The following ADGRV1 variants were observed in gnomAD, a reference collection of about 807,000 sequenced individuals.
ADGRV1 encodes the protein G-protein coupled receptor 98.
Under a neutral mutation model 596.2 loss-of-function variants are expected in ADGRV1, and 359 were observed. That is an observed-to-expected ratio of 0.60 (90% confidence interval 0.55 to 0.66). ADGRV1 has a LOEUF of 0.66. Among genes scored for constraint, ADGRV1 ranks in the 30% least tolerant of loss-of-function variants. The probability of loss-of-function intolerance (pLI) is 0.00; values close to 1 mark genes in which losing one functional copy is unlikely to be tolerated. For synonymous variants in ADGRV1, 2,681 were observed against 2,679.2 expected, an observed-to-expected ratio of 1.00 and a Z score of -0.02; for missense variants, 7,274 against 7,575.6, an observed-to-expected ratio of 0.96 and a Z score of 1.48.
chr5:90,924,190 C>T (rs1478896533), intron 83 of ADGRV1, among the ~76,000 whole-genome samples: 4 of 151,680 alleles, frequency 2.6e-5, no homozygotes, highest in African/African-American at 7.3e-5. Context: ...GTTCTAGATC[C>T]CTGAGGAATC....
rs189728856 is a variant in ADGRV1, at chr5:90,980,535, A to G, written c.17974-4809A>G. 4.8e-3 allele frequency among the ~76,000 whole-genome samples: 735 copies of G among 152,342 alleles called. 26 individuals are homozygous for G. Among genetic ancestry groups the G allele is most frequent in the Admixed American group, 0.046 (696 of 15,284 alleles). ...TACATTGTGAGGGTGGGTGGTCTTAAGATAGTTTATAAGATCCTTCTAACA... is the reference window on the plus strand; with the variant it reads ...TACATTGTGAGGGTGGGTGGTCTTAGGATAGTTTATAAGATCCTTCTAACA... On this transcript the variant is annotated intron_variant, in intron 84 of 89. Coordinates refer to ENST00000405460, the MANE Select transcript of ADGRV1 (RefSeq NM_032119.4).
At position 90,690,007 on chromosome 5, in the gene ADGRV1, G is replaced by A. The variant is rs762017545; in HGVS notation, c.6637G>A (p.Ala2213Thr). ...VQLMNETTGG[A>T]RLGALTEAVI... The stretch of plus-strand genomic sequence containing the variant: ...ACTGATGAATGAAACAACAGGAGGA[G>A]CCAGACTAGGGGCTTTAACAGAGGC... Residue 2213 changes from alanine (A) to threonine (T), a missense_variant, in exon 30 of 90, where the codon GCC (alanine) becomes ACC (threonine). Physicochemically the swap from Ala to Thr is moderately conservative, Grantham distance 58. Transcript: ENST00000405460. 6 of 1,603,992 alleles carry A rather than the reference G, an allele frequency of 3.7e-6. No homozygotes were observed. The East Asian group carries it at 8.9e-5, about 24-fold the overall frequency.
chr5:90,802,795 CG>C lies in ADGRV1; in HGVS notation c.14576del (p.Gly4859ValfsTer40). The C allele has an allele frequency of 6.2e-7, 1 of 1,612,828 alleles. No homozygotes were observed. The highest frequency in any genetic ancestry group is 8.5e-7 in the Non-Finnish European group (1 of 1,179,392). On this transcript the variant is annotated frameshift_variant, in exon 71 of 90. Coordinates refer to ENST00000405460, the MANE Select transcript of ADGRV1 (RefSeq NM_032119.4). LOFTEE classifies it high-confidence loss of function. ...TLQLVTVMLVGGRFYGMPTIL... is the reference protein window; with the variant it reads ...TLQLVTVMLVXGRFYGMPTIL... ...TGCAACTGGTGACTGTGATGCTTGT[CG>C]GTGGACGTTTCTATGGAATGCCAAC...
At chr5:90,823,825 C>G (rs948372835) in intron 76 of ADGRV1, among the ~76,000 whole-genome samples, 19 of 152,038 alleles carry the variant, frequency 1.2e-4, no homozygotes, top group African/African-American at 4.1e-4. Context: ...TGTTTCTTGC[C>G]ATTCTAAAAT....
At chr5:90,658,975 G>GCAAAATTA (rs1769839151) in intron 21 of ADGRV1, among the ~76,000 whole-genome samples, 3 of 152,042 alleles carry the variant, frequency 2.0e-5, no homozygotes, top group Non-Finnish European at 4.4e-5. Flanking sequence ...GATTCTAATT[G>GCAAAATTA]GTTTAGAAGG....
intron 85 of ADGRV1, among the ~76,000 whole-genome samples, chr5:91,048,466 CTG>C (rs1786025993): frequency 1.3e-5 from 2 of 152,216 alleles, no homozygotes; most frequent in Admixed American, 1.3e-4. Context: ...CTCTCTCACA[CTG>C]GAGATTTTCC....
chr5:91,119,599 A>G (rs1242337370), intron 87 of ADGRV1, among the ~76,000 whole-genome samples: 4 of 152,234 alleles, frequency 2.6e-5, no homozygotes, highest in African/African-American at 7.2e-5. Flanking sequence ...TAATCTCCAT[A>G]GTTGCAGGTA....
intron 83 of ADGRV1, among the ~76,000 whole-genome samples, chr5:90,895,095 A>AT (rs57345391): frequency 0.18 from 26,706 of 151,466 alleles, 3,537 homozygotes; most frequent in African/African-American, 0.35. Flanking sequence ...TGTCTGGCTA[A>AT]TTTTTTTTAT....
intron 83 of ADGRV1, among the ~76,000 whole-genome samples, chr5:90,936,140 A>G (rs1239619468): frequency 2.0e-5 from 3 of 152,202 alleles, no homozygotes; most frequent in South Asian, 2.1e-4. Flanking sequence ...GTGCAGAAAG[A>G]CAGTAGCAAT....
At chr5:90,869,126 G>A (rs1213220424) in intron 83 of ADGRV1, among the ~76,000 whole-genome samples, 1 of 152,140 alleles carries the variant, frequency 6.6e-6, no homozygotes, top group Non-Finnish European at 1.5e-5. Flanking sequence ...CTCTTCCTCT[G>A]TAGTACTGCA....
chr5:91,131,232 G>A (rs771660308), intron 87 of ADGRV1, among the ~76,000 whole-genome samples: 2 of 152,206 alleles, frequency 1.3e-5, no homozygotes, highest in African/African-American at 2.4e-5. Flanking sequence ...TTGCATTCTC[G>A]CCAACGTATA....
chr5:90,651,345 A>C (rs567971667), intron 17 of ADGRV1, among the ~76,000 whole-genome samples: 2 of 152,292 alleles, frequency 1.3e-5, no homozygotes, highest in South Asian at 4.1e-4. Context: ...AACTAAAAAA[A>C]ATGGGAACTA....
chr5:90,738,351 A>G (rs1029733007), intron 50 of ADGRV1, among the ~76,000 whole-genome samples: 1 of 152,028 alleles, frequency 6.6e-6, no homozygotes, highest in African/African-American at 2.4e-5. Context: ...TTATATAATC[A>G]CCTTACATTA....
chr5:90,577,246 T>G (rs1264775356), intron 1 of ADGRV1, among the ~76,000 whole-genome samples: 6 of 152,220 alleles, frequency 3.9e-5, no homozygotes, highest in Non-Finnish European at 2.9e-5. Context: ...TTTTATGGTT[T>G]TAGGTCAAAC....
rs538668502 is a variant in ADGRV1, at chr5:90,785,071, T to C, written c.13653+1014T>C. ...AGCGTGGTACTGGTACCAAAACAGA[T>C]ATATAGACCAATGGAACAGAACAGA... On this transcript the variant is annotated intron_variant, in intron 67 of 89. Coordinates refer to ENST00000405460, the MANE Select transcript of ADGRV1 (RefSeq NM_032119.4). Among the ~76,000 whole-genome samples, 7 of 152,004 alleles carry C rather than the reference T, an allele frequency of 4.6e-5. No homozygotes were observed. In the East Asian group the frequency reaches 1.4e-3, roughly 29 times the overall value.
At chr5:91,096,964 A>G (rs7712139) in intron 86 of ADGRV1, among the ~76,000 whole-genome samples, 3,633 of 152,266 alleles carry the variant, frequency 0.024, 128 homozygotes, top group African/African-American at 0.08. Context: ...AAATGGAATT[A>G]TTATTTGTCC....
At chr5:90,655,919 A>G (rs1355821359) in intron 20 of ADGRV1, 2 of 152,196 alleles carry the variant, frequency 1.3e-5, no homozygotes, top group African/African-American at 4.8e-5. Flanking sequence ...TACTGTTAAC[A>G]TGTTCGTATA....
intron 86 of ADGRV1, among the ~76,000 whole-genome samples, chr5:91,083,536 C>T (rs1198742996): frequency 2.6e-5 from 4 of 151,708 alleles, no homozygotes; most frequent in Admixed American, 6.6e-5. Flanking sequence ...TTTTTGTTTT[C>T]AGAGAAAAGT....
intron 83 of ADGRV1, among the ~76,000 whole-genome samples, chr5:90,934,564 T>TC (rs959278732): frequency 6.6e-6 from 1 of 152,098 alleles, no homozygotes; most frequent in African/African-American, 2.4e-5. Flanking sequence ...GTGTCCTCCA[T>TC]CCTGAACCTT....
Sources: gnomAD v4.1 joint callset for allele counts (sites outside exome capture counted in the v4.1 genomes callset) on GRCh38, gnomAD v4.1.1 for gene constraint, MANE v1.5 for transcripts, NCBI Gene and HGNC (gene_info 2026-07-23, HGNC 2026-07-21) for gene names.